ARL15: variants seen among roughly 807,000 people sequenced by gnomAD.
The protein encoded by ARL15 is ADP-ribosylation factor-like protein 15.
Under a neutral mutation model 25.2 loss-of-function variants are expected in ARL15, and 19 were observed. The ratio of observed to expected loss-of-function variants is 0.75; its 90% CI spans 0.53 to 1.10. The LOEUF (loss-of-function observed/expected upper bound fraction) is 1.10, where lower values mean the gene tolerates loss of function less well. Among genes scored for constraint, ARL15 ranks in the 50% least tolerant of loss-of-function variants. The pLI is 0.00. For synonymous variants in ARL15, 94 were observed against 86.8 expected (o/e 1.08, Z -0.46); for missense variants, 220 against 246.0 (o/e 0.89, Z 0.71).
chr5:54,221,203 T>A lies in ARL15; in HGVS notation c.49-49275A>T, dbSNP rs146425226. 4.6e-3 allele frequency among the ~76,000 whole-genome samples: 700 copies of A among 152,350 alleles called. 4 individuals are homozygous for A. The highest frequency in any genetic ancestry group is 0.016 in the African/African-American group (674 of 41,582). On this transcript the variant is annotated intron_variant, in intron 1 of 4. Coordinates refer to ENST00000504924, the MANE Select transcript of ARL15 (RefSeq NM_019087.3). ...CTTGTATGTTAGGACTCAAAATACG[T>A]ACCTCAAGAGTTGTGGTACATTTCA...
chr5:53,913,260 A>G (rs1057088806), intron 4 of ARL15, among the ~76,000 whole-genome samples: 1 of 152,192 alleles, frequency 6.6e-6, no homozygotes, highest in Admixed American at 6.5e-5. Flanking sequence ...CCAAGGCTGC[A>G]CCACTGCATT....
intron 4 of ARL15, among the ~76,000 whole-genome samples, chr5:53,967,690 A>G (rs1158353493): frequency 1.3e-5 from 2 of 152,190 alleles, no homozygotes; most frequent in Non-Finnish European, 2.9e-5. Context: ...AGATCTAGGA[A>G]TCATCTGCAT....
chr5:54,003,666 ATCTATCTATCTATCTATC>A (rs1748921079), intron 4 of ARL15, among the ~76,000 whole-genome samples: 4 of 52,928 alleles, frequency 7.6e-5, no homozygotes, highest in Non-Finnish European at 9.2e-5. Flanking sequence ...TTTTCTTTCT[ATCTATCTATCTATCTATC>A]TATCTATCTA....
intron 4 of ARL15, among the ~76,000 whole-genome samples, chr5:54,041,974 G>GTT (rs1339441559): frequency 4.2e-4 from 59 of 141,502 alleles, no homozygotes; most frequent in Middle Eastern, 3.8e-3. Flanking sequence ...TTTCGTTTTT[G>GTT]TTTTTTTTTT....
intron 2 of ARL15, among the ~76,000 whole-genome samples, chr5:54,170,037 C>G (rs1398065306): frequency 6.6e-6 from 1 of 152,174 alleles, no homozygotes; most frequent in Non-Finnish European, 1.5e-5. Flanking sequence ...CCGGCAAAAG[C>G]TGACGTGAAC....
chr5:54,173,305 T>A (rs1444519403), intron 1 of ARL15, among the ~76,000 whole-genome samples: 1 of 152,008 alleles, frequency 6.6e-6, no homozygotes, highest in African/African-American at 2.4e-5. Flanking sequence ...AGGGGCCAAC[T>A]ATGTGCCAGC....
intron 4 of ARL15, among the ~76,000 whole-genome samples, chr5:54,060,581 C>T (rs6863099): frequency 0.011 from 1,634 of 152,326 alleles, 29 homozygotes; most frequent in African/African-American, 0.036. Context: ...CCTCCCCAGC[C>T]ATGTGGAACT....
chr5:53,893,256 T>C (rs544672645), intron 4 of ARL15, among the ~76,000 whole-genome samples: 5 of 152,158 alleles, frequency 3.3e-5, no homozygotes, highest in African/African-American at 1.2e-4. Context: ...ATGGTTTGAG[T>C]ATTTACACCA....
At chr5:53,987,503 A>G (rs989237092) in intron 4 of ARL15, among the ~76,000 whole-genome samples, 4 of 150,214 alleles carry the variant, frequency 2.7e-5, no homozygotes, top group Non-Finnish European at 5.9e-5. Flanking sequence ...GAACCAACTC[A>G]CACATTCTGA....
intron 1 of ARL15, among the ~76,000 whole-genome samples, chr5:54,205,733 T>C (rs1419912758): frequency 1.3e-5 from 2 of 152,178 alleles, no homozygotes; most frequent in Non-Finnish European, 2.9e-5. Context: ...GAGGACTAAA[T>C]ATGTGAAAGC....
At chr5:54,055,726 C>G (rs1337664459) in intron 4 of ARL15, among the ~76,000 whole-genome samples, 1 of 152,070 alleles carries the variant, frequency 6.6e-6, no homozygotes, top group East Asian at 1.9e-4. Context: ...CTTTGTACAT[C>G]CAGTTTCTTC....
At chr5:53,926,328 T>C (rs1452458356) in intron 4 of ARL15, among the ~76,000 whole-genome samples, 1 of 151,820 alleles carries the variant, frequency 6.6e-6, no homozygotes, top group Non-Finnish European at 1.5e-5. Flanking sequence ...TGGCAGGGGC[T>C]GCCCAGTGGA....
intron 4 of ARL15, among the ~76,000 whole-genome samples, chr5:54,086,502 A>T (rs1383450223): frequency 5.9e-5 from 9 of 151,872 alleles, no homozygotes; most frequent in Admixed American, 4.6e-4. Context: ...TACCAGATGT[A>T]AATTTTATCA....
rs527744599 is a variant in ARL15, at chr5:53,972,711, C to T, written c.463-85998G>A. On this transcript the variant is annotated intron_variant, in intron 4 of 4. Transcript: ENST00000504924. ...TATTATACAGGTTTACCGAGATCAC[C>T]GGTCAAGGCATTTTCTGTGGAACAT... 3.3e-5 allele frequency among the ~76,000 whole-genome samples: 5 copies of T among 152,186 alleles called. 1 individual carries two copies. Among genetic ancestry groups the T allele is most frequent in the South Asian group, 2.1e-4 (1 of 4,816 alleles).
At chr5:54,016,856 C>G (rs528752562) in intron 4 of ARL15, among the ~76,000 whole-genome samples, 1 of 152,194 alleles carries the variant, frequency 6.6e-6, no homozygotes, top group Admixed American at 6.5e-5. Context: ...ATTCTACCAT[C>G]TTATGCATAT....
chr5:54,295,769 G>A (rs538864685), intron 1 of ARL15, among the ~76,000 whole-genome samples: 2 of 152,186 alleles, frequency 1.3e-5, no homozygotes, highest in East Asian at 1.9e-4. Flanking sequence ...GACCAAGAAC[G>A]GCAACATTAC....
rs182377662 is a variant in ARL15 at position 54,308,335 on chromosome 5, C to T, written c.48+2097G>A. Among the ~76,000 whole-genome samples, 9 of 152,290 alleles carry T rather than the reference C, an allele frequency of 5.9e-5. No homozygotes were observed. The East Asian group carries it at 1.3e-3, about 23-fold the overall frequency. On this transcript the variant is annotated intron_variant, in intron 1 of 4. Coordinates refer to ENST00000504924, the MANE Select transcript of ARL15 (RefSeq NM_019087.3). ...TTTTCTCACCTCCAAAGAGTAGCCACTGGCTTTTATGGGGTTGGTCACTGC... is the reference window on the plus strand; with the variant it reads ...TTTTCTCACCTCCAAAGAGTAGCCATTGGCTTTTATGGGGTTGGTCACTGC...
Position 54,033,999 on chromosome 5 carries a change from A to G in ARL15, c.462+79203T>C, listed in dbSNP as rs190005265. Among the ~76,000 whole-genome samples the G allele has an allele frequency of 8.6e-3, 1,299 of 151,852 alleles. 25 individuals are homozygous for G. Among genetic ancestry groups the G allele is most frequent in the African/African-American group, 0.03 (1,234 of 41,424 alleles). ...CGGCTAATTTTTTATATTTTTAGTAAAGACGGGGTTTCACCGTGTTAGCCA... is the reference window on the plus strand; with the variant it reads ...CGGCTAATTTTTTATATTTTTAGTAGAGACGGGGTTTCACCGTGTTAGCCA... On this transcript the variant is annotated intron_variant, in intron 4 of 4. Coordinates refer to ENST00000504924, the MANE Select transcript of ARL15 (RefSeq NM_019087.3).
intron 4 of ARL15, among the ~76,000 whole-genome samples, chr5:54,086,728 A>G (rs1174834628): frequency 6.6e-6 from 1 of 152,186 alleles, no homozygotes; most frequent in Non-Finnish European, 1.5e-5. Context: ...AGAAATCAGA[A>G]TGGGTTAAAA....
Sources: gnomAD v4.1 joint callset for allele counts (sites outside exome capture counted in the v4.1 genomes callset) on GRCh38, gnomAD v4.1.1 for gene constraint, MANE v1.5 for transcripts, NCBI Gene and HGNC (gene_info 2026-07-23, HGNC 2026-07-21) for gene names.